The following MATN4 variants were observed in gnomAD, a reference collection of about 807,000 sequenced individuals.
MATN4 encodes matrilin 4.
Under a neutral mutation model 54.6 loss-of-function variants are expected in MATN4, and 40 were observed. That is an observed-to-expected ratio of 0.73 (90% CI 0.57 to 0.95). The LOEUF is 0.95. Among genes scored for constraint, MATN4 ranks in the 40% least tolerant of loss-of-function variants. MATN4 has a pLI of 0.00. For missense variants in MATN4, 810 were observed against 819.1 expected (o/e 0.99, Z 0.13); for synonymous variants, 351 against 345.3 (o/e 1.02, Z -0.18).
Position 45,308,256 on chromosome 20 carries a change from CGGCGGCGTGGCAGCGT to C in MATN4, c.-132_-117del. On this transcript the variant is annotated 5_prime_UTR_variant, in exon 1 of 10. Transcript: ENST00000372756. ...CCTCCCGGGCACTTGGACCAGGTAA[CGGCGGCGTGGCAGCGT>C]GCCCTAGGTGGGGACTGCCAGGCAG... The C allele has an allele frequency of 6.3e-7, 1 of 1,599,478 alleles. No individual in the cohort carries two copies. The highest frequency in any genetic ancestry group is 8.6e-7 in the Non-Finnish European group (1 of 1,166,884).
In MATN4 at chr20:45,301,462, C is replaced by G. The variant is rs940393628; in HGVS notation, c.644-19G>C. ...TCAATGGCTGAGGAAGAAATGGGGT[C>G]AGTCTATGCCCAGGACTGCCCTTCT... is the stretch of plus-strand genomic sequence containing the variant. On this transcript the variant is annotated intron_variant, in intron 3 of 9. Coordinates refer to ENST00000372756, the MANE Select transcript of MATN4 (RefSeq NM_001393530.1). 1.2e-6 allele frequency: 2 copies of G among 1,610,420 alleles called. No homozygotes were observed. Among genetic ancestry groups the G allele is most frequent in the East Asian group, 2.2e-5 (1 of 44,856 alleles).
intron 9 of MATN4, 27 bp downstream of exon 9, chr20:45,293,881 G>A: frequency 6.2e-7 from 1 of 1,606,750 alleles, no homozygotes; most frequent in Non-Finnish European, 8.5e-7. Context: ...TTTCCCTCCA[G>A]CCCGCGCCAC....
At position 45,293,989 on chromosome 20, in the gene MATN4, GCT is replaced by G. The variant is rs1450732097; in HGVS notation, c.1604_1605del (p.Glu535AlafsTer98). On this transcript the variant is annotated frameshift_variant, in exon 9 of 10. Coordinates refer to ENST00000372756, the MANE Select transcript of MATN4 (RefSeq NM_001393530.1). LOFTEE classifies it high-confidence loss of function. ...CTTTCGCATTCGCATGGGCTCCGAA[GCT>G]CTGTCCCTGCGCTGATGCCCTCCTC... is the stretch of plus-strand genomic sequence containing the variant. ...CPEEGISAGT[E>X]LRSPCECESL... 1 of 1,602,998 alleles carries G rather than the reference GCT, an allele frequency of 6.2e-7. No individual in the cohort carries two copies. Among genetic ancestry groups the G allele is most frequent in the South Asian group, 1.1e-5 (1 of 90,934 alleles).
chr20:45,294,954 G>C (rs1240983422), intron 8 of MATN4, among the ~76,000 whole-genome samples: 1 of 152,130 alleles, frequency 6.6e-6, no homozygotes, highest in Non-Finnish European at 1.5e-5. Flanking sequence ...TAGGTTGCAG[G>C]CTTCTTATGA....
rs1600692808 is a variant in MATN4 at position 45,298,268 on chromosome 20, C to T, written c.1328G>A (p.Arg443Gln). ...ACGAGGCACGTTAAGGGCACGGGGC[C>T]GTGCACCCTGCGCCTCGGAGAAGCT... Reference protein sequence around the residue: ...EHSFSEAQGARPRALNVPRVG... With the variant: ...EHSFSEAQGAQPRALNVPRVG... Residue 443 changes from arginine (R) to glutamine (Q), a missense_variant, in exon 7 of 10, where the codon CGG becomes CAG. By Grantham distance (43) the Arg-to-Gln change is conservative. Transcript: ENST00000372756. This position sits in a 1 kb window ranked among gnomAD's most constrained non-coding sequence, Gnocchi z 4.6. 4 of 1,613,402 alleles carry T rather than the reference C, an allele frequency of 2.5e-6. No individual in the cohort carries two copies. The highest frequency in any genetic ancestry group is 2.2e-5 in the East Asian group (1 of 44,872).
At chr20:45,308,484 GAATTCAGCTACA>G, upstream of MATN4, 1 of 554,988 alleles carries the variant, frequency 1.8e-6, no homozygotes, top group Non-Finnish European at 3.2e-6. Flanking sequence ...GGCCAGGCTG[GAATTCAGCTACA>G]GCGGGAGACT....
In MATN4 at chr20:45,303,082, CAAAAAA is replaced by C. The variant is rs79635257; in HGVS notation, c.643+1140_643+1145del. Among the ~76,000 whole-genome samples, 406 of 82,910 alleles carry C rather than the reference CAAAAAA, an allele frequency of 4.9e-3. 2 individuals carry two copies. The highest frequency in any genetic ancestry group is 0.016 in the African/African-American group (368 of 23,046). The allele number at this position is 82,910 out of a possible 152,430, so 54.4% of individuals were successfully genotyped here. A position where few individuals can be genotyped will look rare whatever the true frequency, so the allele number is the denominator to read the frequency against. ...TGGGCAATAGAGCCAGACTCTGTCT[CAAAAAA>C]AAAAAAAAAAAAAAAAGAGAGAGAG... On this transcript the variant is annotated intron_variant, in intron 3 of 9. Transcript: ENST00000372756.
Position 45,301,400 on chromosome 20 carries a change from G to T in MATN4, c.687C>A (p.His229Gln). 1 of 1,614,108 alleles carries T rather than the reference G, an allele frequency of 6.2e-7. No individual in the cohort carries two copies. Among genetic ancestry groups the T allele is most frequent in the Non-Finnish European group, 8.5e-7 (1 of 1,180,006 alleles). The stretch of plus-strand genomic sequence containing the variant: ...AATAGGAGCCTGGGGAATTGACGCA[G>T]TGGTGCTCACATCCATGGGTCCCTT... ...CAEGTHGCEHHCVNSPGSYFC... is the reference protein window; with the variant it reads ...CAEGTHGCEHQCVNSPGSYFC... Residue 229 changes from histidine to glutamine, a missense_variant, in exon 4 of 10, where the codon CAC (histidine) becomes CAA (glutamine). Coordinates refer to ENST00000372756, the MANE Select transcript of MATN4 (RefSeq NM_001393530.1).
At chr20:45,296,169 C>T (rs1486483075) in intron 8 of MATN4, among the ~76,000 whole-genome samples, 4 of 137,976 alleles carry the variant, frequency 2.9e-5, no homozygotes, top group East Asian at 2.2e-4. Flanking sequence ...AAGCCGAGAT[C>T]GCACCACTGC....
rs767680785 is a variant in MATN4, at chr20:45,298,233, C to T, written c.1363G>A (p.Val455Ile). The T allele has an allele frequency of 1.9e-6, 3 of 1,610,008 alleles. No individual in the cohort carries two copies. Among genetic ancestry groups the T allele is most frequent in the Admixed American group, 3.3e-5 (2 of 59,868 alleles). Residue 455 changes from valine to isoleucine, a missense_variant, in exon 7 of 10, where the codon GTC (valine) becomes ATC (isoleucine). Transcript: ENST00000372756. This position sits in a 1 kb window ranked among gnomAD's most constrained non-coding sequence, Gnocchi z 4.6. ...TCCTGGGAGCGGCCATCCGTGAAGACCAGGCCAACACGAGGCACGTTAAGG... is the reference window on the plus strand; with the variant it reads ...TCCTGGGAGCGGCCATCCGTGAAGATCAGGCCAACACGAGGCACGTTAAGG... ...RALNVPRVGL[V>I]FTDGRSQDDI...
intron 8 of MATN4, among the ~76,000 whole-genome samples, chr20:45,296,031 C>G (rs537257952): frequency 6.6e-6 from 1 of 151,550 alleles, no homozygotes; most frequent in African/African-American, 2.4e-5. Flanking sequence ...CTGGCTAACA[C>G]GGTGAAACCC....
rs778757225 is a variant in MATN4, at chr20:45,298,494, C to T, written c.1102G>A (p.Val368Met). 6 of 1,613,400 alleles carry T rather than the reference C, an allele frequency of 3.7e-6. No individual in the cohort carries two copies. Among genetic ancestry groups the T allele is most frequent in the Admixed American group, 1.7e-5 (1 of 59,932 alleles). ...TCTAGGAAGTCCACAATCTGGTTCA[C>T]GAAGCGCTTCACTAGCTCGAAGTTT... is the stretch of plus-strand genomic sequence containing the variant. The part of the protein sequence containing the change: ...PQNFELVKRF[V>M]NQIVDFLDVS... Residue 368 changes from valine to methionine, a missense_variant, in exon 7 of 10, where the codon GTG (valine) becomes ATG (methionine). Physicochemically the swap from Val to Met is conservative, Grantham distance 21 (BLOSUM62 1). Coordinates refer to ENST00000372756, the MANE Select transcript of MATN4 (RefSeq NM_001393530.1). The surrounding 1 kb of genome is among the most constrained non-coding windows in gnomAD (Gnocchi z 4.6).
rs1281008787 is a variant in MATN4, at chr20:45,304,466, CTCTGGCGGTCGCG to C, written c.392_404del (p.Ala131GlyfsTer11). ...TGACAGCGACACGCGGCACGCGCTC[CTCTGGCGGTCGCG>C]CGCCCTCGGCCACACTGAAGGCCAC... On this transcript the variant is annotated frameshift_variant, in exon 3 of 10. Transcript: ENST00000372756. LOFTEE classifies it high-confidence loss of function. The C allele has an allele frequency of 2.6e-6, 4 of 1,567,074 alleles. No homozygotes were observed. The highest frequency in any genetic ancestry group is 3.5e-6 in the Non-Finnish European group (4 of 1,149,252).
intron 8 of MATN4, 138 bp downstream of exon 8, chr20:45,297,780 A>G (rs1985938099): frequency 1.8e-6 from 2 of 1,099,736 alleles, no homozygotes; most frequent in East Asian, 4.8e-5. Flanking sequence ...TGCAGACCAC[A>G]TTTGGAGTAG....
rs1163222653 is a variant in MATN4, at chr20:45,298,592, C to T, written c.1013-9G>A. The T allele has an allele frequency of 1.3e-6, 2 of 1,523,480 alleles. No homozygotes were observed. Among genetic ancestry groups the T allele is most frequent in the Non-Finnish European group, 1.8e-6 (2 of 1,133,996 alleles). 94.4% of individuals were successfully genotyped at this position (1,523,480 alleles called of 1,614,324 possible). On this transcript the variant is annotated splice_polypyrimidine_tract_variant and intron_variant, in intron 6 of 9. Transcript: ENST00000372756. This position sits in a 1 kb window ranked among gnomAD's most constrained non-coding sequence, Gnocchi z 4.6. The stretch of plus-strand genomic sequence containing the variant: ...GTGGCCTTCCCGGCACCCTGCACAG[C>T]CAGAAAAGCTTGAATTGAGGGACCA...
At chr20:45,300,510 C>T (rs573057933) in intron 6 of MATN4, among the ~76,000 whole-genome samples, 3 of 152,064 alleles carry the variant, frequency 2.0e-5, no homozygotes, top group South Asian at 4.2e-4. Context: ...TTGTCTTCCA[C>T]TCTTTTTTTT....
chr20:45,302,889 C>T (rs1986320815), intron 3 of MATN4, among the ~76,000 whole-genome samples: 1 of 152,042 alleles, frequency 6.6e-6, no homozygotes, highest in Non-Finnish European at 1.5e-5. Context: ...TCGAGACCAG[C>T]CTAGCCAACA....
At chr20:45,303,959 G>A (rs911236486) in intron 3 of MATN4, among the ~76,000 whole-genome samples, 1 of 152,210 alleles carries the variant, frequency 6.6e-6, no homozygotes, top group Admixed American at 6.5e-5. Context: ...CACTGGTTCC[G>A]TGTGTGCAGG....
At position 45,304,358 on chromosome 20, in the gene MATN4, C is replaced by T; in HGVS notation, c.513G>A (p.Val171=). 6.6e-7 allele frequency: 1 copy of T among 1,505,322 alleles called. No individual in the cohort carries two copies. Among genetic ancestry groups the T allele is most frequent in the Non-Finnish European group, 8.9e-7 (1 of 1,127,500 alleles). 93.2% of individuals were successfully genotyped at this position (1,505,322 alleles called of 1,614,324 possible). A position where few individuals can be genotyped will look rare whatever the true frequency, so the allele number is the denominator to read the frequency against. Residue 171 remains valine, a synonymous_variant, in exon 3 of 10, where the codon GTG becomes GTA. Coordinates refer to ENST00000372756, the MANE Select transcript of MATN4 (RefSeq NM_001393530.1). ...AGCCCACGTCCGCGCGCTGCACCCC[C>T]ACCGCGTAAATTTCAATGCCGCGGG... ...ARARGIEIYA[V]GVQRADVGSL...
Sources: gnomAD v4.1 joint callset for allele counts (sites outside exome capture counted in the v4.1 genomes callset) on GRCh38, gnomAD v4.1.1 for gene constraint, Gnocchi (gnomAD v3.1) non-coding constraint, MANE v1.5 for transcripts, NCBI Gene and HGNC (gene_info 2026-07-23, HGNC 2026-07-21) for gene names.